PCDH11X: variants seen among roughly 807,000 people sequenced by gnomAD.
PCDH11X encodes the protein protocadherin 11 X-linked, also known as protocadherin-11 X-linked.
In PCDH11X, 18 loss-of-function variants were observed where a neutral mutation model predicts 53.3. The observed-to-expected ratio is 0.34, with a 90% CI of 0.23 to 0.50. PCDH11X has a LOEUF of 0.50. PCDH11X is among the 20% of genes least tolerant of loss of function. PCDH11X has a pLI of 0.98. For missense variants in PCDH11X, 570 were observed against 1,032.4 expected, an observed-to-expected ratio of 0.55 and a Z score of 6.14; for synonymous variants, 279 against 393.3, an observed-to-expected ratio of 0.71 and a Z score of 3.44.
chrX:92,497,252 AAG>A (rs2073875669), intron 10 of PCDH11X, among the ~76,000 whole-genome samples: 1 of 109,720 alleles, frequency 9.1e-6, no homozygotes, highest in South Asian at 3.9e-4. Context: ...TATGGAAGGT[AAG>A]AGATTCTGAC....
intron 10 of PCDH11X, among the ~76,000 whole-genome samples, chrX:92,593,026 C>T (rs1925194033): frequency 9.1e-6 from 1 of 110,303 alleles, no homozygotes; most frequent in African/African-American, 3.3e-5. Context: ...GATCAAATTT[C>T]AGAAAGAAAC....
At chrX:92,157,210 T>C (rs1368397539) in intron 6 of PCDH11X, among the ~76,000 whole-genome samples, 1 of 111,861 alleles carries the variant, frequency 8.9e-6, no homozygotes, top group Non-Finnish European at 1.9e-5. Context: ...GTGGCTTTTA[T>C]GAACGTCTGA....
chrX:92,086,929 A>T (rs1476792061), intron 6 of PCDH11X, among the ~76,000 whole-genome samples: 1 of 107,045 alleles, frequency 9.3e-6, no homozygotes. Context: ...AAGAGAAAAG[A>T]TATATATATG....
At chrX:91,843,958 C>T (rs927640163) in intron 5 of PCDH11X, among the ~76,000 whole-genome samples, 2 of 110,714 alleles carry the variant, frequency 1.8e-5, no homozygotes, top group Non-Finnish European at 3.8e-5. Context: ...CCTACAATTC[C>T]TCTCCTATAT....
At chrX:92,284,362 T>G (rs985796999) in intron 8 of PCDH11X, among the ~76,000 whole-genome samples, 4 of 110,135 alleles carry the variant, frequency 3.6e-5, no homozygotes, top group Non-Finnish European at 7.6e-5. Flanking sequence ...TGTGTGGGAC[T>G]GTGTCCAGTT....
chrX:92,253,043 A>G (rs1055626875), intron 7 of PCDH11X, among the ~76,000 whole-genome samples: 9 of 98,755 alleles, frequency 9.1e-5, no homozygotes, highest in African/African-American at 3.7e-4. Context: ...GTAAGAAAAG[A>G]AAAAAAAAAG....
chrX:92,431,159 A>T (rs1251254540), intron 9 of PCDH11X, among the ~76,000 whole-genome samples: 1 of 111,268 alleles, frequency 9.0e-6, no homozygotes, highest in East Asian at 2.8e-4. Context: ...TGTAATTGAA[A>T]ACAGTAAATT....
At chrX:92,226,566 G>A (rs1322195947) in intron 7 of PCDH11X, among the ~76,000 whole-genome samples, 1 of 111,817 alleles carries the variant, frequency 8.9e-6, no homozygotes, top group African/African-American at 3.3e-5. Flanking sequence ...AAAAGCAGGA[G>A]AAAGTTACAG....
chrX:92,500,894 A>G (rs1447109788), intron 10 of PCDH11X, among the ~76,000 whole-genome samples: 1 of 110,119 alleles, frequency 9.1e-6, no homozygotes, highest in Non-Finnish European at 1.9e-5. Context: ...TGAAGGAGAC[A>G]GAGATGTGAA....
intron 8 of PCDH11X, among the ~76,000 whole-genome samples, chrX:92,355,495 A>C (rs770703535): frequency 9.5e-6 from 1 of 105,585 alleles, no homozygotes; most frequent in Non-Finnish European, 1.9e-5. Flanking sequence ...ACGCAAAACC[A>C]AAACAAAACT....
At chrX:91,871,326 GA>G (rs1012668895) in intron 5 of PCDH11X, among the ~76,000 whole-genome samples, 6 of 105,786 alleles carry the variant, frequency 5.7e-5, no homozygotes, top group African/African-American at 1.4e-4. Flanking sequence ...AGAGAAAAGT[GA>G]AAAAAAATTA....
chrX:92,582,438 G>A (rs1188473323), intron 10 of PCDH11X, among the ~76,000 whole-genome samples: 2 of 110,274 alleles, frequency 1.8e-5, no homozygotes. Flanking sequence ...AGCCTTGGCA[G>A]CTTCCACGTG....
intron 6 of PCDH11X, among the ~76,000 whole-genome samples, chrX:91,957,909 A>T (rs2061731804): frequency 9.2e-6 from 1 of 108,370 alleles, no homozygotes; most frequent in Non-Finnish European, 1.9e-5. Context: ...CACCCCTTCC[A>T]CTGCAAGCTC....
At chrX:91,853,086 T>TA (rs751993643) in intron 5 of PCDH11X, among the ~76,000 whole-genome samples, 2 of 105,054 alleles carry the variant, frequency 1.9e-5, no homozygotes, top group African/African-American at 6.9e-5. Context: ...AGTCCTTTGA[T>TA]AAAAAGATAT....
chrX:92,019,191 C>A (rs1444374852), intron 6 of PCDH11X, among the ~76,000 whole-genome samples: 2 of 108,655 alleles, frequency 1.8e-5, no homozygotes, highest in African/African-American at 6.8e-5. Flanking sequence ...CCCCGGTGAC[C>A]CCAGGAGAAC....
intron 7 of PCDH11X, among the ~76,000 whole-genome samples, chrX:92,227,096 G>A (rs1046475355): frequency 3.6e-5 from 4 of 111,213 alleles, no homozygotes; most frequent in Non-Finnish European, 5.7e-5. Flanking sequence ...TCATTGTCTC[G>A]TAACTCACAC....
chrX:92,545,738 G>C (rs1170944143), intron 10 of PCDH11X, among the ~76,000 whole-genome samples: 1 of 111,030 alleles, frequency 9.0e-6, no homozygotes, highest in Non-Finnish European at 1.9e-5. Flanking sequence ...TTAATTCCCT[G>C]ATATGCTTAC....
intron 6 of PCDH11X, among the ~76,000 whole-genome samples, chrX:92,101,885 T>A (rs1471484448): frequency 3.6e-5 from 4 of 110,892 alleles, no homozygotes; most frequent in African/African-American, 1.3e-4. Flanking sequence ...AGGATAGATT[T>A]CCATGATGGA....
intron 8 of PCDH11X, among the ~76,000 whole-genome samples, chrX:92,266,583 G>C (rs2067835897): frequency 9.0e-6 from 1 of 111,598 alleles, no homozygotes; most frequent in South Asian, 3.7e-4. Flanking sequence ...TCGTAGATAA[G>C]CTAGTGGCAT....
Sources: gnomAD v4.1 joint callset for allele counts (sites outside exome capture counted in the v4.1 genomes callset) on GRCh38, gnomAD v4.1.1 for gene constraint, MANE v1.5 for transcripts, NCBI Gene and HGNC (gene_info 2026-07-23, HGNC 2026-07-21) for gene names.